CHCHD3: variants seen among roughly 807,000 people sequenced by gnomAD.
CHCHD3 encodes MICOS complex subunit MIC19.
CHCHD3 carries 20 observed loss-of-function variants against 38.2 expected under a neutral mutation model. The observed-to-expected ratio is 0.52, with a 90% CI of 0.37 to 0.76. CHCHD3 has a LOEUF of 0.76. CHCHD3 is among the 30% of genes least tolerant of loss of function. The probability of loss-of-function intolerance (pLI) is 0.00; values close to 1 mark genes in which losing one functional copy is unlikely to be tolerated. For missense variants in CHCHD3, 245 were observed against 279.2 expected (o/e 0.88, Z 0.87); for synonymous variants, 82 against 100.0 (o/e 0.82, Z 1.07).
intron 3 of CHCHD3, among the ~76,000 whole-genome samples, chr7:132,995,652 C>T (rs995000821): frequency 1.3e-5 from 2 of 152,110 alleles, no homozygotes; most frequent in African/African-American, 2.4e-5. Flanking sequence ...CGGAATTGGC[C>T]GGCAGGAGAC....
chr7:132,789,078 G>A (rs1806394202), intron 7 of CHCHD3, among the ~76,000 whole-genome samples: 1 of 152,152 alleles, frequency 6.6e-6, no homozygotes, highest in East Asian at 1.9e-4. Flanking sequence ...GTAGTCTGGT[G>A]GGGTCTGTGT....
At chr7:132,839,829 T>C (rs1023531679) in intron 5 of CHCHD3, among the ~76,000 whole-genome samples, 4 of 152,344 alleles carry the variant, frequency 2.6e-5, no homozygotes, top group African/African-American at 9.6e-5. Flanking sequence ...AGATGATGAA[T>C]GGCTTTCTAT....
chr7:132,863,979 T>C (rs950505008), intron 5 of CHCHD3, among the ~76,000 whole-genome samples: 2 of 152,228 alleles, frequency 1.3e-5, no homozygotes, highest in Non-Finnish European at 2.9e-5. Context: ...CGAATCTTTC[T>C]CCACAGCAGT....
chr7:132,928,972 A>T (rs1284007696), intron 4 of CHCHD3, among the ~76,000 whole-genome samples: 1 of 152,046 alleles, frequency 6.6e-6, no homozygotes, highest in Non-Finnish European at 1.5e-5. Flanking sequence ...TACATTTTTT[A>T]TCCTTCTCTT....
chr7:132,994,468 T>C (rs1812363518), intron 3 of CHCHD3, among the ~76,000 whole-genome samples: 1 of 152,196 alleles, frequency 6.6e-6, no homozygotes, highest in Non-Finnish European at 1.5e-5. Flanking sequence ...CGCCAATTGC[T>C]GTAAAGGTCA....
At chr7:133,016,310 A>C (rs1813029150) in intron 3 of CHCHD3, among the ~76,000 whole-genome samples, 1 of 152,218 alleles carries the variant, frequency 6.6e-6, no homozygotes, top group African/African-American at 2.4e-5. Flanking sequence ...TGTGTTTGTT[A>C]ATGTGGGTAC....
intron 4 of CHCHD3, among the ~76,000 whole-genome samples, chr7:132,935,445 A>G (rs957052099): frequency 6.6e-6 from 1 of 152,240 alleles, no homozygotes; most frequent in Admixed American, 6.5e-5. Context: ...CACAAGTAGT[A>G]GTACTTCCTA....
chr7:132,889,830 T>G (rs1809316207), intron 4 of CHCHD3, among the ~76,000 whole-genome samples: 1 of 151,926 alleles, frequency 6.6e-6, no homozygotes, highest in Non-Finnish European at 1.5e-5. Context: ...GGATGGAGAG[T>G]CACATTCAAC....
rs770740377 is a variant in CHCHD3 at position 132,785,655 on chromosome 7, C to A, written c.666G>T (p.Met222Ile). Reference protein sequence around the residue: ...MHCVNHAKQSMLEKGG With the variant: ...MHCVNHAKQSILEKGG ...AAAGTTTTTATCCTCCCTTCTCAAGCATGCTCTGCAAGAAAAACAGAAAGA... is the reference window on the plus strand; with the variant it reads ...AAAGTTTTTATCCTCCCTTCTCAAGAATGCTCTGCAAGAAAAACAGAAAGA... Residue 222 changes from methionine to isoleucine, a missense_variant, in exon 8 of 8, where the codon ATG becomes ATT. Transcript: ENST00000262570. 4.3e-6 allele frequency: 7 copies of A among 1,613,984 alleles called. 1 individual carries two copies. The South Asian group carries it at 7.7e-5, about 18-fold the overall frequency.
At chr7:132,864,367 A>G (rs1345982597) in intron 5 of CHCHD3, among the ~76,000 whole-genome samples, 2 of 152,176 alleles carry the variant, frequency 1.3e-5, no homozygotes, top group African/African-American at 4.8e-5. Flanking sequence ...AATTAAGTTC[A>G]GCTTTTTATA....
intron 6 of CHCHD3, among the ~76,000 whole-genome samples, chr7:132,827,206 T>C (rs1471856439): frequency 1.3e-5 from 2 of 152,204 alleles, no homozygotes; most frequent in Non-Finnish European, 2.9e-5. Context: ...ATTTAGGGTG[T>C]TTTAGGTATA....
chr7:132,858,877 C>T (rs901838953), intron 5 of CHCHD3, among the ~76,000 whole-genome samples: 7 of 152,156 alleles, frequency 4.6e-5, no homozygotes, highest in African/African-American at 7.2e-5. Flanking sequence ...CTCATGCAAA[C>T]CTGACAATAA....
In CHCHD3 at chr7:133,052,014, T is replaced by C. The variant is rs1317408814; in HGVS notation, c.169+18128A>G. ...GTAAAACAGCCAGTTGGTTATAAGGTTGAGATAGAAGTATTTCTAGTCAGC... is the reference window on the plus strand; with the variant it reads ...GTAAAACAGCCAGTTGGTTATAAGGCTGAGATAGAAGTATTTCTAGTCAGC... On this transcript the variant is annotated intron_variant, in intron 2 of 7. Coordinates refer to ENST00000262570, the MANE Select transcript of CHCHD3 (RefSeq NM_017812.4). 5 of 152,244 alleles carry C rather than the reference T, an allele frequency of 3.3e-5. No homozygotes were observed. The South Asian group carries it at 6.2e-4, about 19-fold the overall frequency. 9.4% of individuals were successfully genotyped at this position (152,244 alleles called of 1,614,324 possible).
At chr7:132,798,638 A>C (rs1806683820) in intron 6 of CHCHD3, among the ~76,000 whole-genome samples, 1 of 152,156 alleles carries the variant, frequency 6.6e-6, no homozygotes, top group Non-Finnish European at 1.5e-5. Context: ...CTCAGATTTA[A>C]AAGCAGGGGG....
chr7:132,964,550 C>T (rs1811408779), intron 4 of CHCHD3, among the ~76,000 whole-genome samples: 1 of 152,164 alleles, frequency 6.6e-6, no homozygotes, highest in South Asian at 2.1e-4. Flanking sequence ...CCACTGCACT[C>T]CAGCCTAGAC....
chr7:133,043,979 T>G (rs1419579181), intron 2 of CHCHD3, among the ~76,000 whole-genome samples: 1 of 152,218 alleles, frequency 6.6e-6, no homozygotes, highest in Non-Finnish European at 1.5e-5. Context: ...ATCATCACAT[T>G]TATGATGCTC....
intron 7 of CHCHD3, among the ~76,000 whole-genome samples, chr7:132,792,293 T>A (rs928898213): frequency 6.6e-6 from 1 of 152,206 alleles, no homozygotes; most frequent in Non-Finnish European, 1.5e-5. Context: ...ATGGCCTTTA[T>A]TAGCCGGCAG....
At chr7:132,860,324 G>GAA (rs142286027) in intron 5 of CHCHD3, among the ~76,000 whole-genome samples, 60 of 150,232 alleles carry the variant, frequency 4.0e-4, no homozygotes, top group African/African-American at 1.4e-3. Flanking sequence ...GAAAGAGAGA[G>GAA]AGAGAGAGAG....
rs10666936 is a variant in CHCHD3, at chr7:132,862,064, TGATGGATGGATG to T, written c.453+23586_454-23596del. 2.2e-4 allele frequency among the ~76,000 whole-genome samples: 32 copies of T among 145,812 alleles called. 2 individuals carry two copies. The highest frequency in any genetic ancestry group is 8.0e-4 in the East Asian group (4 of 5,004). ...TTGAAATCCAGCACTTAATGTTTGCTGATGGATGGATGGATGGATGGATGGATGGATGGATGG... is the reference window on the plus strand; with the variant it reads ...TTGAAATCCAGCACTTAATGTTTGCTGATGGATGGATGGATGGATGGATGG... On this transcript the variant is annotated intron_variant, in intron 5 of 7. Coordinates refer to ENST00000262570, the MANE Select transcript of CHCHD3 (RefSeq NM_017812.4).
Sources: allele counts gnomAD v4.1 joint callset (sites outside exome capture counted in the v4.1 genomes callset), GRCh38; gene constraint gnomAD v4.1.1; transcripts MANE v1.5; gene names NCBI Gene and HGNC (gene_info 2026-07-23, HGNC 2026-07-21).